Variants in CSMD1 observed in about 807,000 individuals in gnomAD.
The protein encoded by CSMD1 is CUB and sushi domain-containing protein 1.
Under a neutral mutation model 417.5 loss-of-function variants are expected in CSMD1, and 213 were observed. The ratio of observed to expected loss-of-function variants is 0.51; its 90% CI spans 0.46 to 0.57. CSMD1 has a LOEUF of 0.57. CSMD1 is among the 20% of genes least tolerant of loss of function. The probability of loss-of-function intolerance (pLI) is 0.00; values close to 1 mark genes in which losing one functional copy is unlikely to be tolerated. For missense variants in CSMD1, 6,923 were observed against 4,529.7 expected (o/e 1.53, Z -15.17); for synonymous variants, 2,862 against 1,736.8 (o/e 1.65, Z -16.11).
At chr8:4,153,876 G>T (rs939022575) in intron 3 of CSMD1, among the ~76,000 whole-genome samples, 2 of 152,222 alleles carry the variant, frequency 1.3e-5, no homozygotes, top group Admixed American at 6.5e-5. Flanking sequence ...CTGACTCATG[G>T]CAGCAAACTA....
At chr8:4,294,242 A>C (rs1305887396) in intron 3 of CSMD1, among the ~76,000 whole-genome samples, 1 of 152,188 alleles carries the variant, frequency 6.6e-6, no homozygotes, top group Non-Finnish European at 1.5e-5. Flanking sequence ...CTGAATTGAT[A>C]GCATATAGAT....
At chr8:2,986,801 G>A (rs979482968) in intron 54 of CSMD1, among the ~76,000 whole-genome samples, 1 of 152,082 alleles carries the variant, frequency 6.6e-6, no homozygotes, top group Non-Finnish European at 1.5e-5. Context: ...ACCGCGCCCG[G>A]CTCTCTAGTT....
At chr8:4,668,803 A>G (rs1385505713) in intron 1 of CSMD1, among the ~76,000 whole-genome samples, 4 of 152,066 alleles carry the variant, frequency 2.6e-5, no homozygotes, top group African/African-American at 9.7e-5. Flanking sequence ...GAAGTGCTCA[A>G]CATTCTCCAT....
At chr8:4,279,686 T>C (rs1796674519) in intron 3 of CSMD1, among the ~76,000 whole-genome samples, 1 of 152,180 alleles carries the variant, frequency 6.6e-6, no homozygotes, top group Non-Finnish European at 1.5e-5. Flanking sequence ...TTAGCCAACT[T>C]TGAATGTGCA....
At chr8:4,495,529 C>T (rs1047402595) in intron 2 of CSMD1, among the ~76,000 whole-genome samples, 1 of 151,998 alleles carries the variant, frequency 6.6e-6, no homozygotes, top group African/African-American at 2.4e-5. Context: ...GAGCCAGTAT[C>T]TCGCCACTGC....
intron 7 of CSMD1, among the ~76,000 whole-genome samples, chr8:3,628,560 C>T (rs1190015658): frequency 6.6e-6 from 1 of 152,190 alleles, no homozygotes; most frequent in Non-Finnish European, 1.5e-5. Flanking sequence ...TTGGATGCCA[C>T]TGGGCCACGG....
chr8:4,065,010 T>A (rs2130754876), intron 3 of CSMD1, among the ~76,000 whole-genome samples: 1 of 152,306 alleles, frequency 6.6e-6, no homozygotes, highest in South Asian at 2.1e-4. Context: ...CCACTTAAGT[T>A]GTTCATTTTT....
At chr8:4,565,903 AAAT>A (rs1267982258) in intron 2 of CSMD1, among the ~76,000 whole-genome samples, 3 of 151,168 alleles carry the variant, frequency 2.0e-5, no homozygotes, top group Non-Finnish European at 4.4e-5. Context: ...TTCCTCATAG[AAAT>A]AATGTTTTTG....
chr8:3,997,853 A>G (rs1300696646), intron 5 of CSMD1, 50 bp downstream of exon 5: 3 of 1,429,124 alleles, frequency 2.1e-6, no homozygotes, highest in Non-Finnish European at 2.9e-6. Context: ...GGGGGAAAAA[A>G]CGGGGAAAAC....
chr8:4,206,363 G>T (rs917909064), intron 3 of CSMD1, among the ~76,000 whole-genome samples: 2 of 151,580 alleles, frequency 1.3e-5, no homozygotes, highest in Non-Finnish European at 1.5e-5. Context: ...ACCCACCACA[G>T]GCCCCGGTAT....
chr8:4,521,739 A>G (rs1242972743), intron 2 of CSMD1, among the ~76,000 whole-genome samples: 1 of 152,174 alleles, frequency 6.6e-6, no homozygotes, highest in African/African-American at 2.4e-5. Flanking sequence ...AGCTCATAAG[A>G]ACAGAAGGCA....
chr8:3,541,084 G>A (rs564889445), intron 10 of CSMD1, among the ~76,000 whole-genome samples: 3 of 152,286 alleles, frequency 2.0e-5, no homozygotes, highest in East Asian at 1.9e-4. Context: ...GCACATGTAT[G>A]TTCACTGCAG....
intron 8 of CSMD1, among the ~76,000 whole-genome samples, chr8:3,602,732 C>A (rs998554370): frequency 2.6e-5 from 4 of 151,982 alleles, no homozygotes; most frequent in Non-Finnish European, 5.9e-5. Flanking sequence ...CACACACACA[C>A]ACACACACAC....
chr8:3,863,054 C>T (rs909777641), intron 5 of CSMD1, among the ~76,000 whole-genome samples: 1 of 152,142 alleles, frequency 6.6e-6, no homozygotes, highest in Non-Finnish European at 1.5e-5. Context: ...CACCTCCCTG[C>T]AGCATCGTCA....
At chr8:4,213,400 C>G (rs915460412) in intron 3 of CSMD1, among the ~76,000 whole-genome samples, 5 of 152,126 alleles carry the variant, frequency 3.3e-5, no homozygotes, top group Non-Finnish European at 7.3e-5. Flanking sequence ...TCAATCCATC[C>G]TAATCACTGC....
At chr8:3,695,932 C>A (rs560662304) in intron 7 of CSMD1, among the ~76,000 whole-genome samples, 2 of 152,148 alleles carry the variant, frequency 1.3e-5, no homozygotes, top group East Asian at 3.9e-4. Context: ...TTTGTAGGAA[C>A]AAGACAAATC....
At chr8:3,410,632 T>C (rs1176921964) in intron 12 of CSMD1, among the ~76,000 whole-genome samples, 1 of 152,236 alleles carries the variant, frequency 6.6e-6, no homozygotes, top group Non-Finnish European at 1.5e-5. Flanking sequence ...GAACTGTAAG[T>C]CCATTAAACC....
At chr8:3,809,125 T>C (rs758147307) in intron 5 of CSMD1, among the ~76,000 whole-genome samples, 4 of 152,104 alleles carry the variant, frequency 2.6e-5, no homozygotes, top group African/African-American at 4.8e-5. Flanking sequence ...CTGCCCTCTA[T>C]TGGGAATATC....
chr8:3,640,141 G>T (rs534665780), intron 7 of CSMD1, among the ~76,000 whole-genome samples: 2 of 152,100 alleles, frequency 1.3e-5, no homozygotes, highest in East Asian at 1.9e-4. Context: ...TTTTTCTTGC[G>T]TAAGACTTCG....
Sources: gnomAD v4.1 joint callset for allele counts (sites outside exome capture counted in the v4.1 genomes callset) on GRCh38, gnomAD v4.1.1 for gene constraint, MANE v1.5 for transcripts, NCBI Gene and HGNC (gene_info 2026-07-23, HGNC 2026-07-21) for gene names.